Variants in ACBD6 observed in about 807,000 individuals in gnomAD.
The protein encoded by ACBD6 is acyl-CoA binding domain containing 6, also known as acyl-CoA-binding domain-containing protein 6.
ACBD6 carries 28 observed loss-of-function variants against 37.2 expected under a neutral mutation model. The observed-to-expected ratio is 0.75, with a 90% CI of 0.56 to 1.03. The LOEUF is 1.03. Among genes scored for constraint, ACBD6 ranks in the 50% least tolerant of loss-of-function variants. The probability of loss-of-function intolerance (pLI) is 0.00; values close to 1 mark genes in which losing one functional copy is unlikely to be tolerated. For synonymous variants in ACBD6, 113 were observed against 126.8 expected, an observed-to-expected ratio of 0.89 and a Z score of 0.73; for missense variants, 340 against 337.4, an observed-to-expected ratio of 1.01 and a Z score of -0.06.
chr1:180,325,253 T>C (rs1470642835), intron 6 of ACBD6, among the ~76,000 whole-genome samples: 1 of 152,156 alleles, frequency 6.6e-6, no homozygotes, highest in African/African-American at 2.4e-5. Flanking sequence ...TGAGGCTGTT[T>C]TCTAGATCTT....
chr1:180,288,019 C>T (rs1649559296), downstream of ACBD6, among the ~76,000 whole-genome samples: 1 of 152,150 alleles, frequency 6.6e-6, no homozygotes, highest in Non-Finnish European at 1.5e-5. Flanking sequence ...CTAATGGTTA[C>T]ATTTGCTTCT....
rs557290509 is a variant in ACBD6 at position 180,351,276 on chromosome 1, T to C, written c.664-36554A>G. 8.5e-4 allele frequency among the ~76,000 whole-genome samples: 78 copies of C among 91,276 alleles called. 2 individuals are homozygous for C. The South Asian group carries it at 0.036, about 42-fold the overall frequency. 59.9% of individuals were successfully genotyped at this position (91,276 alleles called of 152,430 possible). A position where few individuals can be genotyped will look rare whatever the true frequency, so the allele number is the denominator to read the frequency against. On this transcript the variant is annotated intron_variant, in intron 6 of 7. Transcript: ENST00000367595. ...GGTGCTGTCAGTTACCTGCCAGATA[T>C]TACGTTTTTTTTTTTTTTTGAGACA...
intron 6 of ACBD6, among the ~76,000 whole-genome samples, chr1:180,390,070 T>C (rs1208797152): frequency 1.3e-5 from 2 of 152,028 alleles, no homozygotes; most frequent in African/African-American, 4.8e-5. Flanking sequence ...GACATGAAGT[T>C]CTTGCCCATG....
intron 5 of ACBD6, among the ~76,000 whole-genome samples, chr1:180,410,383 G>A (rs1053199386): frequency 6.6e-6 from 1 of 152,304 alleles, no homozygotes; most frequent in African/African-American, 2.4e-5. Flanking sequence ...AGAAGATGCC[G>A]TCCAGGACTT....
intron 5 of ACBD6, among the ~76,000 whole-genome samples, chr1:180,402,014 A>G (rs1647393257): frequency 6.6e-6 from 1 of 152,176 alleles, no homozygotes; most frequent in Non-Finnish European, 1.5e-5. Context: ...CTGTCTAATT[A>G]GCAAATGAAA....
At chr1:180,439,308 G>C (rs1649184847) in intron 3 of ACBD6, among the ~76,000 whole-genome samples, 1 of 152,118 alleles carries the variant, frequency 6.6e-6, no homozygotes. Context: ...GGAGGGGCCG[G>C]GTGTGGGGGC....
chr1:180,356,807 G>A (rs1245900493), intron 6 of ACBD6, among the ~76,000 whole-genome samples: 1 of 148,466 alleles, frequency 6.7e-6, no homozygotes, highest in Non-Finnish European at 1.5e-5. Flanking sequence ...CTAAGATTGA[G>A]CCACTTGCAC....
At chr1:180,477,844 A>T (rs189678697) in intron 3 of ACBD6, among the ~76,000 whole-genome samples, 32 of 152,270 alleles carry the variant, frequency 2.1e-4, no homozygotes, top group African/African-American at 7.0e-4. Flanking sequence ...AAGAAGTCTT[A>T]AAAAAGTCTT....
intron 6 of ACBD6, among the ~76,000 whole-genome samples, chr1:180,364,168 T>C (rs1222888529): frequency 6.6e-6 from 1 of 152,208 alleles, no homozygotes; most frequent in Non-Finnish European, 1.5e-5. Flanking sequence ...AATATCTACA[T>C]CTATACAGTG....
intron 3 of ACBD6, among the ~76,000 whole-genome samples, chr1:180,451,136 T>A (rs7542223): frequency 1.3e-5 from 2 of 152,082 alleles, no homozygotes; most frequent in Non-Finnish European, 2.9e-5. Flanking sequence ...AAATGGCCAA[T>A]GTGTACATTA....
intron 7 of ACBD6, among the ~76,000 whole-genome samples, chr1:180,299,317 T>G (rs1443928155): frequency 6.6e-6 from 1 of 152,116 alleles, no homozygotes; most frequent in East Asian, 1.9e-4. Flanking sequence ...ACCAAATTAA[T>G]GAGGGGATAT....
chr1:180,390,830 C>T (rs556064314), intron 6 of ACBD6, among the ~76,000 whole-genome samples: 2 of 152,150 alleles, frequency 1.3e-5, no homozygotes, highest in African/African-American at 2.4e-5. Context: ...AAAATGAACA[C>T]ACTGATCCTA....
chr1:180,491,555 ATTACACT>A (rs1294996442), intron 3 of ACBD6, among the ~76,000 whole-genome samples: 1 of 152,154 alleles, frequency 6.6e-6, no homozygotes, highest in Non-Finnish European at 1.5e-5. Context: ...TATCTTCTCT[ATTACACT>A]TTAAACTACA....
At chr1:180,437,671 C>T (rs1000453593) in intron 3 of ACBD6, among the ~76,000 whole-genome samples, 4 of 152,032 alleles carry the variant, frequency 2.6e-5, no homozygotes, top group South Asian at 4.1e-4. Flanking sequence ...AATCGTCACA[C>T]AAAAATCAGG....
chr1:180,303,882 G>A (rs1650240429), intron 7 of ACBD6, among the ~76,000 whole-genome samples: 1 of 150,814 alleles, frequency 6.6e-6, no homozygotes, highest in Admixed American at 6.6e-5. Flanking sequence ...ACCGAATCCA[G>A]CAGCACATCA....
chr1:180,467,463 A>AC (rs1557882849), intron 3 of ACBD6, among the ~76,000 whole-genome samples: 4 of 150,216 alleles, frequency 2.7e-5, no homozygotes, highest in Non-Finnish European at 4.4e-5. Context: ...AAAAAAAAAA[A>AC]AAAAAAAAAC....
chr1:180,478,252 T>C (rs1650880412), intron 3 of ACBD6, among the ~76,000 whole-genome samples: 1 of 152,166 alleles, frequency 6.6e-6, no homozygotes, highest in Non-Finnish European at 1.5e-5. Flanking sequence ...AAAAATAATT[T>C]CTAATCTTAT....
chr1:180,404,623 A>G (rs1249678246), intron 5 of ACBD6, among the ~76,000 whole-genome samples: 2 of 151,822 alleles, frequency 1.3e-5, no homozygotes, highest in African/African-American at 4.8e-5. Flanking sequence ...ATGCTCAGCT[A>G]ATTTTTGTAT....
chr1:180,473,621 C>A (rs1384086057), intron 3 of ACBD6, among the ~76,000 whole-genome samples: 1 of 152,032 alleles, frequency 6.6e-6, no homozygotes, highest in African/African-American at 2.4e-5. Context: ...ATTGTCCACA[C>A]ATTTTAAAAA....
Sources: allele counts gnomAD v4.1 joint callset (sites outside exome capture counted in the v4.1 genomes callset), GRCh38; gene constraint gnomAD v4.1.1; transcripts MANE v1.5; gene names NCBI Gene and HGNC (gene_info 2026-07-23, HGNC 2026-07-21).